Variants in SOX5 observed in about 807,000 individuals in gnomAD.
The protein encoded by SOX5 is transcription factor SOX-5.
A neutral mutation model predicts 92.0 loss-of-function variants in SOX5; 9 were observed. The observed-to-expected ratio is 0.10, with a 90% CI of 0.06 to 0.17. The LOEUF (loss-of-function observed/expected upper bound fraction) is 0.17, where lower values mean the gene tolerates loss of function less well. SOX5 is among the 10% of genes least tolerant of loss of function. SOX5 has a pLI of 1.00. For missense variants in SOX5, 642 were observed against 944.5 expected (o/e 0.68, Z 4.20); for synonymous variants, 344 against 336.3 (o/e 1.02, Z -0.25).
intron 1 of SOX5, among the ~76,000 whole-genome samples, chr12:24,435,849 T>C (rs930103867): frequency 6.6e-6 from 1 of 152,150 alleles, no homozygotes; most frequent in Admixed American, 6.5e-5. Context: ...CAACAACATA[T>C]ACTCATTTTG....
rs1555456140 is a variant in SOX5, at chr12:23,970,826, T to TTTTATATATATATA, written c.-1-74803_-1-74802insTATATATATATAAA. 3.1e-3 allele frequency among the ~76,000 whole-genome samples: 81 copies of TTTTATATATATATA among 25,786 alleles called. 5 individuals carry two copies. Among genetic ancestry groups the TTTTATATATATATA allele is most frequent in the African/African-American group, 9.4e-3 (78 of 8,276 alleles). 16.9% of individuals were successfully genotyped at this position (25,786 alleles called of 152,430 possible). ...TGGAATTGCTAGGTCACATGGGACT[T>TTTTATATATATATA]TATATATATATATAATTTTTTTTTT... On this transcript the variant is annotated intron_variant, in intron 4 of 4. Transcript: ENST00000446891.
At chr12:23,770,748 G>A (rs947900528) in intron 3 of SOX5, among the ~76,000 whole-genome samples, 3 of 152,050 alleles carry the variant, frequency 2.0e-5, no homozygotes, top group African/African-American at 7.2e-5. Flanking sequence ...TTTATGAACT[G>A]GGCACTGTAA....
intron 3 of SOX5, among the ~76,000 whole-genome samples, chr12:24,236,447 GAA>G (rs1217242735): frequency 1.3e-5 from 2 of 152,104 alleles, no homozygotes; most frequent in Non-Finnish European, 2.9e-5. Context: ...ATTTCCATAG[GAA>G]AAAGTTTTCA....
intron 1 of SOX5, among the ~76,000 whole-genome samples, chr12:24,525,745 G>C (rs897914953): frequency 6.6e-6 from 1 of 151,878 alleles, no homozygotes; most frequent in Non-Finnish European, 1.5e-5. Flanking sequence ...GGTGGCGGGC[G>C]CCTGTAGTCC....
intron 1 of SOX5, among the ~76,000 whole-genome samples, chr12:23,939,754 A>G (rs1176124115): frequency 6.6e-6 from 1 of 150,926 alleles, no homozygotes; most frequent in Admixed American, 6.6e-5. Context: ...ACAGCTTTTT[A>G]AATGCATACT....
intron 4 of SOX5, among the ~76,000 whole-genome samples, chr12:23,755,064 A>T (rs2094318789): frequency 1.3e-5 from 2 of 151,806 alleles, no homozygotes; most frequent in Non-Finnish European, 2.9e-5. Flanking sequence ...TATATGAGGA[A>T]ATTAAATCTT....
intron 4 of SOX5, among the ~76,000 whole-genome samples, chr12:24,026,482 G>T (rs905050350): frequency 5.3e-5 from 8 of 151,458 alleles, no homozygotes; most frequent in African/African-American, 1.5e-4. Flanking sequence ...AGGTGTGGTG[G>T]CTCACATCTG....
rs776119678 is a variant in SOX5, at chr12:23,563,414, G to A, written c.1343-11C>T. On this transcript the variant is annotated splice_polypyrimidine_tract_variant and intron_variant, in intron 10 of 14. Coordinates refer to ENST00000451604, the MANE Select transcript of SOX5 (RefSeq NM_006940.6). ...GGTCATTTAAGTAACCTGAACATGAGACAGATCAAAGGATATCTTTTGTAT... is the reference window on the plus strand; with the variant it reads ...GGTCATTTAAGTAACCTGAACATGAAACAGATCAAAGGATATCTTTTGTAT... 14 of 1,612,498 alleles carry A rather than the reference G, an allele frequency of 8.7e-6. No homozygotes were observed. The Admixed American group carries it at 2.3e-4, about 27-fold the overall frequency.
At position 24,556,668 on chromosome 12, in the gene SOX5, A is replaced by T. The variant is rs76560674; in HGVS notation, c.-251+5661T>A. The stretch of plus-strand genomic sequence containing the variant: ...GATAACAAGAGGAAAAATCTACAGA[A>T]TTAGGTCCTAAAGTTTTTATTTATC... On this transcript the variant is annotated intron_variant, in intron 1 of 4. Coordinates refer to the SOX5 transcript ENST00000446891. Among the ~76,000 whole-genome samples the T allele has an allele frequency of 5.3e-3, 808 of 152,378 alleles. 4 individuals carry two copies. Among genetic ancestry groups the T allele is most frequent in the African/African-American group, 0.019 (783 of 41,592 alleles).
intron 1 of SOX5, among the ~76,000 whole-genome samples, chr12:24,499,846 G>C (rs1252400265): frequency 7.3e-5 from 11 of 150,908 alleles, no homozygotes. Flanking sequence ...GGAACAGAAA[G>C]TACAATGTTA....
intron 4 of SOX5, among the ~76,000 whole-genome samples, chr12:23,986,929 A>G (rs1950115728): frequency 6.6e-6 from 1 of 152,178 alleles, no homozygotes; most frequent in Non-Finnish European, 1.5e-5. Flanking sequence ...TTTGTGCTAA[A>G]GACTCATTTT....
At chr12:24,013,805 G>A (rs1391786) in intron 4 of SOX5, among the ~76,000 whole-genome samples, 34,092 of 152,090 alleles carry the variant, frequency 0.22, 4,184 homozygotes, top group Middle Eastern at 0.34. Flanking sequence ...TTAGAATGCT[G>A]TAGTTTAAAT....
At chr12:23,578,907 T>G (rs1377369107) in intron 9 of SOX5, among the ~76,000 whole-genome samples, 2 of 151,998 alleles carry the variant, frequency 1.3e-5, no homozygotes, top group Middle Eastern at 3.2e-3. Context: ...GATGGCTGTT[T>G]TACTTGAATG....
At chr12:23,565,315 C>T (rs1946883363) in intron 10 of SOX5, among the ~76,000 whole-genome samples, 1 of 152,132 alleles carries the variant, frequency 6.6e-6, no homozygotes, top group Non-Finnish European at 1.5e-5. Context: ...GATAGAAATA[C>T]AACTCTTACA....
At chr12:24,101,346 C>T (rs1317112005) in intron 4 of SOX5, among the ~76,000 whole-genome samples, 1 of 152,142 alleles carries the variant, frequency 6.6e-6, no homozygotes, top group Non-Finnish European at 1.5e-5. Context: ...TCTTCCTCTA[C>T]AATTCCTGTG....
chr12:23,772,381 G>T (rs2094961266), intron 3 of SOX5, among the ~76,000 whole-genome samples: 1 of 152,104 alleles, frequency 6.6e-6, no homozygotes, highest in Admixed American at 6.5e-5. Context: ...TATATGAAAA[G>T]TACACCAACA....
chr12:23,836,962 T>C (rs1299472886), intron 3 of SOX5, among the ~76,000 whole-genome samples: 3 of 151,622 alleles, frequency 2.0e-5, no homozygotes, highest in South Asian at 2.1e-4. Flanking sequence ...AGTTTTTTAG[T>C]TATTTTGTCA....
chr12:23,682,289 A>T (rs1943648528), intron 6 of SOX5, among the ~76,000 whole-genome samples: 1 of 151,890 alleles, frequency 6.6e-6, no homozygotes, highest in Admixed American at 6.6e-5. Context: ...AAAATGAACC[A>T]AAATGAACAA....
At chr12:23,605,020 C>A (rs191993080) in intron 8 of SOX5, among the ~76,000 whole-genome samples, 3 of 99,344 alleles carry the variant, frequency 3.0e-5, no homozygotes, top group African/African-American at 1.2e-4. Context: ...AGAAAAGGCA[C>A]TGAAAGGCAA....
Sources: gnomAD v4.1 joint callset for allele counts (sites outside exome capture counted in the v4.1 genomes callset) on GRCh38, gnomAD v4.1.1 for gene constraint, MANE v1.5 for transcripts, NCBI Gene and HGNC (gene_info 2026-07-23, HGNC 2026-07-21) for gene names.